Variants in PGAP2 observed in about 807,000 individuals in gnomAD.
PGAP2 encodes the protein acyltransferase PGAP2.
In PGAP2, 21 loss-of-function variants were observed where a neutral mutation model predicts 33.2. The observed-to-expected ratio is 0.63, with a 90% confidence interval of 0.45 to 0.91. The LOEUF is 0.91. PGAP2 is among the 40% of genes least tolerant of loss of function. The probability of loss-of-function intolerance (pLI) is 0.00; values close to 1 mark genes in which losing one functional copy is unlikely to be tolerated. For missense variants in PGAP2, 345 were observed against 424.0 expected (o/e 0.81, Z 1.64); for synonymous variants, 161 against 172.9 (o/e 0.93, Z 0.54).
upstream of PGAP2, among the ~76,000 whole-genome samples, chr11:3,806,557 A>T (rs964426410): frequency 2.0e-5 from 3 of 152,202 alleles, no homozygotes; most frequent in African/African-American, 7.2e-5. Context: ...AACAAAAGTG[A>T]ACACATGAAA....
At chr11:3,820,769 G>A (rs2088385830) in intron 3 of PGAP2, among the ~76,000 whole-genome samples, 1 of 152,172 alleles carries the variant, frequency 6.6e-6, no homozygotes, top group East Asian at 1.9e-4. Flanking sequence ...GTTGCAATGA[G>A]CCAAGATTAT....
chr11:3,823,633 G>A, intron 3 of PGAP2: 2 of 1,538,158 alleles, frequency 1.3e-6, no homozygotes, highest in East Asian at 2.4e-5. Flanking sequence ...GTCTGCGGGG[G>A]AGATGGAGAA....
rs1484317084 is a variant in PGAP2, at chr11:3,826,311, AC to A, written c.*854del. ...GCTCCAAACCCTAAATTTTGGTTGTACATTTTATTTGAAAGGAAAATAAATT... is the reference window on the plus strand; with the variant it reads ...GCTCCAAACCCTAAATTTTGGTTGTAATTTTATTTGAAAGGAAAATAAATT... On this transcript the variant is annotated 3_prime_UTR_variant, in exon 7 of 7. Coordinates refer to ENST00000278243, the MANE Select transcript of PGAP2 (RefSeq NM_014489.4). 2 of 152,154 alleles carry A rather than the reference AC, an allele frequency of 1.3e-5. No homozygotes were observed. Among genetic ancestry groups the A allele is most frequent in the African/African-American group, 4.8e-5 (2 of 41,400 alleles). The allele number at this position is 152,154 out of a possible 1,614,324, so 9.4% of individuals were successfully genotyped here.
In PGAP2 at chr11:3,814,788, CTT is replaced by C. The variant is rs1340021643; in HGVS notation, c.166-2563_166-2562del. On this transcript the variant is annotated intron_variant, in intron 2 of 6. Transcript: ENST00000278243. ...TCTTTCTTTCTTTCTTTCTTTCTTT[CTT>C]TCTTTCTTTCTTTCTTTCTTTCTCT... is the stretch of plus-strand genomic sequence containing the variant. Among the ~76,000 whole-genome samples, 34 of 108,812 alleles carry C rather than the reference CTT, an allele frequency of 3.1e-4. No homozygotes were observed. In the East Asian group the frequency reaches 8.2e-3, roughly 26 times the overall value. The allele number at this position is 108,812 out of a possible 152,430, so 71.4% of individuals were successfully genotyped here.
intron 1 of PGAP2, among the ~76,000 whole-genome samples, chr11:3,810,894 A>G (rs928950310): frequency 1.3e-5 from 2 of 152,202 alleles, no homozygotes; most frequent in Non-Finnish European, 1.5e-5. Flanking sequence ...GGTAGGTTTT[A>G]GGGTTGGTTC....
chr11:3,803,025 A>C (rs1370295576), intron 1 of PGAP2, among the ~76,000 whole-genome samples: 28 of 105,656 alleles, frequency 2.7e-4, no homozygotes, highest in Admixed American at 6.0e-4. Context: ...ACAGAGTCTC[A>C]CTCTGTCACC....
chr11:3,822,167 A>G (rs542112439), intron 3 of PGAP2, among the ~76,000 whole-genome samples: 41 of 151,742 alleles, frequency 2.7e-4, no homozygotes, highest in East Asian at 5.9e-4. Context: ...GATTGAGACC[A>G]TCCTGGCTAA....
intron 1 of PGAP2, among the ~76,000 whole-genome samples, chr11:3,799,980 G>A (rs2083224009): frequency 6.6e-6 from 1 of 152,162 alleles, no homozygotes; most frequent in African/African-American, 2.4e-5. Context: ...GGAAAAAAAA[G>A]GTGGTGGGTT....
chr11:3,820,259 T>G (rs1468426301), intron 3 of PGAP2, among the ~76,000 whole-genome samples: 1 of 152,222 alleles, frequency 6.6e-6, no homozygotes, highest in African/African-American at 2.4e-5. Context: ...GACCTTCCCA[T>G]GCTCTGTGGC....
At chr11:3,798,062 G>C in intron 1 of PGAP2, 2 of 1,511,400 alleles carry the variant, frequency 1.3e-6, no homozygotes, top group Non-Finnish European at 1.8e-6. Context: ...CGCACTTCCC[G>C]CCCAGACCAC....
intron 5 of PGAP2, 128 bp from the exon 6 acceptor site, chr11:3,824,892 C>T: frequency 6.7e-7 from 1 of 1,496,326 alleles, no homozygotes; most frequent in Non-Finnish European, 8.9e-7. Context: ...CCTGCCTGTG[C>T]TCCCTTCCAT....
At chr11:3,801,144 AAG>A (rs1554913845) in intron 1 of PGAP2, among the ~76,000 whole-genome samples, 7 of 151,674 alleles carry the variant, frequency 4.6e-5, no homozygotes, top group Admixed American at 3.9e-4. Context: ...TCAAAAAAAA[AAG>A]AAAAGAAAGG....
chr11:3,808,082 G>T, upstream of PGAP2: 1 of 1,438,942 alleles, frequency 6.9e-7, no homozygotes, highest in Non-Finnish European at 9.1e-7. Flanking sequence ...CTCACTGCCT[G>T]CAAAGGTGCT....
At chr11:3,819,105 G>A (rs1205968419) in intron 3 of PGAP2, among the ~76,000 whole-genome samples, 1 of 152,224 alleles carries the variant, frequency 6.6e-6, no homozygotes, top group Non-Finnish European at 1.5e-5. Flanking sequence ...CGGGAGTACA[G>A]TGACCTGATC....
At chr11:3,818,598 C>T (rs933499733) in intron 3 of PGAP2, among the ~76,000 whole-genome samples, 1 of 152,172 alleles carries the variant, frequency 6.6e-6, no homozygotes, top group Non-Finnish European at 1.5e-5. Flanking sequence ...CAGCCCCAGG[C>T]CCCACCACCT....
chr11:3,808,459 C>G, upstream of PGAP2: 1 of 1,491,400 alleles, frequency 6.7e-7, no homozygotes, highest in South Asian at 1.3e-5. Flanking sequence ...AGGAGGAGAG[C>G]CAGGGGTCGG....
intron 2 of PGAP2, 148 bp from the exon 3 acceptor site, chr11:3,817,205 C>T: frequency 1.5e-6 from 1 of 674,340 alleles, no homozygotes; most frequent in Admixed American, 2.5e-5. Flanking sequence ...TTCTCCTCTG[C>T]ACTGTCTTCC....
chr11:3,804,763 G>A (rs185860506), upstream of PGAP2, among the ~76,000 whole-genome samples: 694 of 152,160 alleles, frequency 4.6e-3, 2 homozygotes, highest in Non-Finnish European at 7.3e-3. Context: ...GTGCAGTGGC[G>A]CAATGTTGGC....
upstream of PGAP2, among the ~76,000 whole-genome samples, chr11:3,805,210 G>A (rs2084115378): frequency 6.6e-6 from 1 of 151,534 alleles, no homozygotes; most frequent in Non-Finnish European, 1.5e-5. Context: ...CACATGGCTG[G>A]CACACTGCTA....
Sources: allele counts gnomAD v4.1 joint callset (sites outside exome capture counted in the v4.1 genomes callset), GRCh38; gene constraint gnomAD v4.1.1; transcripts MANE v1.5; gene names NCBI Gene and HGNC (gene_info 2026-07-23, HGNC 2026-07-21).